PPIL3: variants seen among roughly 807,000 people sequenced by gnomAD.
PPIL3 encodes peptidyl-prolyl cis-trans isomerase-like 3.
In PPIL3, 13 loss-of-function variants were observed where a neutral mutation model predicts 20.9. The ratio of observed to expected loss-of-function variants is 0.62; its 90% CI spans 0.40 to 0.99. PPIL3 has a LOEUF of 0.99. Ranked by LOEUF, PPIL3 falls within the 50% of genes least tolerant of loss-of-function variation. The pLI is 0.00. For missense variants in PPIL3, 170 were observed against 195.2 expected, an observed-to-expected ratio of 0.87 and a Z score of 0.77; for synonymous variants, 71 against 64.4, an observed-to-expected ratio of 1.10 and a Z score of -0.49.
At chr2:200,888,834 GCAA>G (rs2040082656) in intron 1 of PPIL3, 119 bp downstream of exon 1, 2 of 445,174 alleles carry the variant, frequency 4.5e-6, no homozygotes, top group South Asian at 1.6e-5. Context: ...CTCTGACGTT[GCAA>G]CAACAGCCTC....
At chr2:200,878,591 T>C (rs540042835) in intron 5 of PPIL3, among the ~76,000 whole-genome samples, 1 of 152,050 alleles carries the variant, frequency 6.6e-6, no homozygotes, top group Non-Finnish European at 1.5e-5. Flanking sequence ...GGGCTCAATA[T>C]GTTGCTCAGG....
At chr2:200,880,748 C>T (rs2039694381) in intron 5 of PPIL3, among the ~76,000 whole-genome samples, 1 of 150,686 alleles carries the variant, frequency 6.6e-6, no homozygotes, top group East Asian at 2.0e-4. Context: ...TTTGAAAGAC[C>T]ACATAATAAG....
chr2:200,871,434 A>T lies in PPIL3; in HGVS notation c.447T>A (p.Ile149=). The change falls in exon 7 of 7, where the codon ATT becomes ATA. Residue 149 remains isoleucine, a synonymous_variant. Coordinates refer to ENST00000392283, the MANE Select transcript of PPIL3 (RefSeq NM_130906.3). ...KTYRPLNDVH[I]KDITIHANPF... is the part of the protein sequence containing the mutation. ...GGTTGGCATGAATAGTTATGTCCTT[A>T]ATGTGTACATCATTAAGAGGTCGGT... is the stretch of plus-strand genomic sequence containing the variant. The T allele has an allele frequency of 6.2e-7, 1 of 1,611,470 alleles. No individual in the cohort carries two copies. Among genetic ancestry groups the T allele is most frequent in the Non-Finnish European group, 8.5e-7 (1 of 1,177,758 alleles).
intron 5 of PPIL3, among the ~76,000 whole-genome samples, chr2:200,880,576 G>A (rs978193571): frequency 4.6e-5 from 7 of 151,772 alleles, no homozygotes; most frequent in Non-Finnish European, 7.4e-5. Flanking sequence ...GTGGAGATGG[G>A]GGTCTCACTA....
intron 3 of PPIL3, 199 bp downstream of exon 3, chr2:200,885,499 A>G (rs1223271206): frequency 1.9e-6 from 1 of 520,058 alleles, no homozygotes; most frequent in African/African-American, 2.0e-5. Context: ...GTTACCGAAA[A>G]ATTATCTACG....
At chr2:200,875,111 T>C (rs539780438) in intron 6 of PPIL3, among the ~76,000 whole-genome samples, 1 of 152,218 alleles carries the variant, frequency 6.6e-6, no homozygotes, top group Non-Finnish European at 1.5e-5. Flanking sequence ...GTACTCTTAA[T>C]AGATACCCTG....
chr2:200,881,557 C>T (rs1040241145), intron 4 of PPIL3, 69 bp from the exon 5 acceptor site: 11 of 1,314,682 alleles, frequency 8.4e-6, no homozygotes, highest in Admixed American at 1.8e-5. Flanking sequence ...TTTCCCAAAA[C>T]TTAAGGAATA....
At chr2:200,876,710 CAG>C (rs1371252750) in intron 6 of PPIL3, among the ~76,000 whole-genome samples, 1 of 151,918 alleles carries the variant, frequency 6.6e-6, no homozygotes, top group Non-Finnish European at 1.5e-5. Context: ...TTAGTAGAGA[CAG>C]GGGTTCTGCC....
At chr2:200,883,692 G>A (rs6747253) in intron 3 of PPIL3, among the ~76,000 whole-genome samples, 22,495 of 152,120 alleles carry the variant, frequency 0.15, 1,882 homozygotes, top group African/African-American at 0.2. Flanking sequence ...GGCTCCATGA[G>A]GGTAAGGAAT....
intron 6 of PPIL3, among the ~76,000 whole-genome samples, chr2:200,874,011 C>T (rs1458762309): frequency 6.6e-6 from 1 of 151,282 alleles, no homozygotes; most frequent in South Asian, 2.1e-4. Context: ...TGAGACCATC[C>T]TGGCTAACAT....
rs556065064 is a variant in PPIL3 at position 200,879,317 on chromosome 2, C to T, written c.240+2104G>A. Among the ~76,000 whole-genome samples the T allele has an allele frequency of 2.6e-5, 4 of 152,130 alleles. No homozygotes were observed. In the East Asian group the frequency reaches 5.8e-4, roughly 22 times the overall value. On this transcript the variant is annotated intron_variant, in intron 5 of 6. Coordinates refer to ENST00000392283, the MANE Select transcript of PPIL3 (RefSeq NM_130906.3). ...GTATTTTTTGGCAGAGACGGGGTTT[C>T]ACTGTGTTAGCCAGCATGGTCTTGA... is the stretch of plus-strand genomic sequence containing the variant.
At chr2:200,880,218 G>T (rs2039672314) in intron 5 of PPIL3, among the ~76,000 whole-genome samples, 1 of 152,032 alleles carries the variant, frequency 6.6e-6, no homozygotes, top group Middle Eastern at 3.4e-3. Flanking sequence ...CTGCACTCCA[G>T]CCCAGGGGAC....
At chr2:200,887,725 G>A in intron 1 of PPIL3, 40 bp from the exon 2 acceptor site, 2 of 890,722 alleles carry the variant, frequency 2.2e-6, no homozygotes, top group Non-Finnish European at 3.5e-6. Context: ...TCATTTTCCT[G>A]TCTTAACTCA....
intron 6 of PPIL3, among the ~76,000 whole-genome samples, chr2:200,874,001 T>G (rs111315781): frequency 0.016 from 2,489 of 151,108 alleles, 37 homozygotes; most frequent in Non-Finnish European, 0.025. Context: ...GTCGGGAGAT[T>G]GAGACCATCC....
At chr2:200,879,336 G>T (rs553062433) in intron 5 of PPIL3, among the ~76,000 whole-genome samples, 1 of 152,066 alleles carries the variant, frequency 6.6e-6, no homozygotes, top group South Asian at 2.1e-4. Flanking sequence ...AGCCAGCATG[G>T]TCTTGATCTC....
chr2:200,877,057 G>C lies in PPIL3; in HGVS notation c.241-20C>G, dbSNP rs1455959460. On this transcript the variant is annotated intron_variant, in intron 5 of 6. Transcript: ENST00000392283. Reference sequence around the variant, plus strand: ...ATTGTGCTGAAAAAGACACATCAAAGTATTAACTGTGTTTTTATATAACCA... The same window carrying C: ...ATTGTGCTGAAAAAGACACATCAAACTATTAACTGTGTTTTTATATAACCA... 2 of 1,445,844 alleles carry C rather than the reference G, an allele frequency of 1.4e-6. No homozygotes were observed. The highest frequency in any genetic ancestry group is 4.5e-5 in the East Asian group (2 of 43,988). The allele number at this position is 1,445,844 out of a possible 1,614,324, so 89.6% of individuals were successfully genotyped here.
Position 200,889,034 on chromosome 2 carries a change from T to G in PPIL3, c.-149A>C. 1 of 471,198 alleles carries G rather than the reference T, an allele frequency of 2.1e-6. No homozygotes were observed. The highest frequency in any genetic ancestry group is 4.4e-6 in the Non-Finnish European group (1 of 227,062). The allele number at this position is 471,198 out of a possible 1,614,324, so 29.2% of individuals were successfully genotyped here. On this transcript the variant is annotated 5_prime_UTR_variant, in exon 1 of 7. Transcript: ENST00000392283. Reference sequence around the variant, plus strand: ...ATCGCAGATGCCAGCAGAGGTCTGTTGGTTCAAAATTATAGTTTCTTTGGG... The same window carrying G: ...ATCGCAGATGCCAGCAGAGGTCTGTGGGTTCAAAATTATAGTTTCTTTGGG...
At chr2:200,882,113 C>T (rs1320955657) in intron 4 of PPIL3, among the ~76,000 whole-genome samples, 3 of 152,198 alleles carry the variant, frequency 2.0e-5, no homozygotes, top group Admixed American at 6.5e-5. Context: ...GGACGAATAG[C>T]TAATGCATGC....
intron 6 of PPIL3, among the ~76,000 whole-genome samples, chr2:200,875,551 C>A (rs564843896): frequency 6.6e-6 from 1 of 151,856 alleles, no homozygotes; most frequent in Non-Finnish European, 1.5e-5. Context: ...CAGGTGTGAG[C>A]CACCGCACCC....
Sources: allele counts gnomAD v4.1 joint callset (sites outside exome capture counted in the v4.1 genomes callset), GRCh38; gene constraint gnomAD v4.1.1; transcripts MANE v1.5; gene names NCBI Gene and HGNC (gene_info 2026-07-23, HGNC 2026-07-21).